Variants in ZNF23 observed in about 807,000 individuals in gnomAD.
ZNF23 encodes zinc finger protein 23.
Under a neutral mutation model 56.2 loss-of-function variants are expected in ZNF23, and 48 were observed. The ratio of observed to expected loss-of-function variants is 0.85; its 90% CI spans 0.68 to 1.09. The LOEUF (loss-of-function observed/expected upper bound fraction) is 1.09. Ranked by LOEUF, ZNF23 falls within the 50% of genes least tolerant of loss-of-function variation. ZNF23 has a pLI of 0.00. For missense variants in ZNF23, 805 were observed against 811.4 expected, an observed-to-expected ratio of 0.99 and a Z score of 0.10; for synonymous variants, 266 against 283.3, an observed-to-expected ratio of 0.94 and a Z score of 0.61.
At chr16:71,453,059 T>C (rs2043108120) in intron 4 of ZNF23, among the ~76,000 whole-genome samples, 184 bp downstream of exon 4, 1 of 152,216 alleles carries the variant, frequency 6.6e-6, no homozygotes, top group Non-Finnish European at 1.5e-5. Context: ...TTCTTGGAAT[T>C]AGACACAACA....
chr16:71,453,896 G>T, intron 3 of ZNF23, 146 bp downstream of exon 3: 2 of 1,006,530 alleles, frequency 2.0e-6, no homozygotes, highest in Non-Finnish European at 3.0e-6. Context: ...GCCCCTGCCA[G>T]TAACCTCTAA....
At position 71,454,090 on chromosome 16, in the gene ZNF23, G is replaced by T; in HGVS notation, c.112C>A (p.Leu38Met). 6.2e-7 allele frequency: 1 copy of T among 1,614,106 alleles called. No homozygotes were observed. The highest frequency in any genetic ancestry group is 8.5e-7 in the Non-Finnish European group (1 of 1,180,004). The stretch of plus-strand genomic sequence containing the variant: ...TTCTCCAGCATCACATCCCTGTACA[G>T]GGTCCTCTGTGCAGGGGACAGGCCA... Reference protein sequence around the residue: ...WDGLSPAQRTLYRDVMLENYG... With the variant: ...WDGLSPAQRTMYRDVMLENYG... Residue 38 changes from leucine to methionine, a missense_variant, in exon 3 of 5, where the codon CTG (leucine) becomes ATG (methionine). Physicochemically the swap from Leu to Met is conservative, Grantham distance 15. Coordinates refer to ENST00000647773, the MANE Select transcript of ZNF23 (RefSeq NM_001381984.1).
At position 71,459,230 on chromosome 16, in the gene ZNF23, G is replaced by A. The variant is rs1416704434; in HGVS notation, c.-32-2402C>T. 2.0e-5 allele frequency among the ~76,000 whole-genome samples: 3 copies of A among 152,240 alleles called. No individual in the cohort carries two copies. The East Asian group carries it at 5.8e-4, about 29-fold the overall frequency. ...CACCTGCTGGGCCCTGAAGTGCAGA[G>A]GCATTAACACCTGTGGGACCCCCTT... On this transcript the variant is annotated intron_variant, in intron 1 of 4. Transcript: ENST00000647773.
intron 1 of ZNF23, among the ~76,000 whole-genome samples, chr16:71,461,348 T>A (rs898039359): frequency 2.6e-5 from 4 of 151,996 alleles, no homozygotes; most frequent in Non-Finnish European, 4.4e-5. Context: ...GGACCCAAAA[T>A]GTAATACAAA....
chr16:71,461,285 T>C (rs2043445417), intron 1 of ZNF23, among the ~76,000 whole-genome samples: 1 of 151,828 alleles, frequency 6.6e-6, no homozygotes, highest in African/African-American at 2.4e-5. Flanking sequence ...ATGTAACATA[T>C]AAATATATAT....
rs1039198973 is a variant in ZNF23 at position 71,456,764 on chromosome 16, C to G, written c.33G>C (p.Gln11His). ...AGAGCTGAAGGACCCCACAGCTCAC[C>G]TGGGGCCAGGCTGTCAGGTGCATGG... MAAMHLTAWP[Q>H]KSVTFEDVAV... Residue 11 changes from glutamine (Q) to histidine (H), a missense_variant and splice_region_variant, in exon 2 of 5, where the codon CAG becomes CAC. Gln to His is a conservative substitution (Grantham distance 24). Coordinates refer to ENST00000647773, the MANE Select transcript of ZNF23 (RefSeq NM_001381984.1). 24 of 985,936 alleles carry G rather than the reference C, an allele frequency of 2.4e-5. No individual in the cohort carries two copies. The highest frequency in any genetic ancestry group is 2.7e-5 in the Non-Finnish European group (22 of 830,088). 61.1% of individuals were successfully genotyped at this position (985,936 alleles called of 1,614,324 possible). A position where few individuals can be genotyped will look rare whatever the true frequency, so the allele number is the denominator to read the frequency against.
intron 1 of ZNF23, chr16:71,461,764 C>G (rs2043467143): frequency 6.6e-6 from 1 of 152,224 alleles, no homozygotes; most frequent in Non-Finnish European, 1.5e-5. Context: ...GGCCCTAATT[C>G]ATGACCCTAT....
chr16:71,450,531 C>A (rs2043019941), intron 4 of ZNF23: 1 of 303,022 alleles, frequency 3.3e-6, no homozygotes, highest in Non-Finnish European at 6.6e-6. Context: ...CCAGCCTGGG[C>A]AACACAGTGA....
chr16:71,450,819 T>A (rs1382032163), intron 4 of ZNF23: 3 of 301,940 alleles, frequency 9.9e-6, no homozygotes, highest in Non-Finnish European at 2.0e-5. Context: ...CCCTGCAGTT[T>A]CTTCTTAGTT....
chr16:71,456,193 C>A (rs987373107), intron 2 of ZNF23: 4 of 390,650 alleles, frequency 1.0e-5, no homozygotes, highest in Non-Finnish European at 2.0e-5. Flanking sequence ...CTCTTTCCTG[C>A]AGGACAGGGT....
rs774985250 is a variant in ZNF23, at chr16:71,448,820, C to A, written c.1334G>T (p.Ser445Ile). 2.0e-5 allele frequency: 33 copies of A among 1,614,090 alleles called. No individual in the cohort carries two copies. In the East Asian group the frequency reaches 7.4e-4, roughly 36 times the overall value. ...GTGTTGGATTAACTTCCCTTTGACA[C>A]TGAAGGCTTTTCCACATTCAGTGCA... The part of the protein sequence containing the change: ...YECTECGKAF[S>I]VKGKLIQHQR... The change falls in exon 5 of 5, where the codon AGT becomes ATT. Residue 445 changes from serine (S) to isoleucine (I), a missense_variant. Coordinates refer to ENST00000647773, the MANE Select transcript of ZNF23 (RefSeq NM_001381984.1).
Position 71,462,220 on chromosome 16 carries a change from G to A in ZNF23, c.-43C>T, listed in dbSNP as rs974976022. ...GAGCCCTGCACTCACCTCCGTAGCG[G>A]ACTGCTCCCCGGCGCTGCCGGAAGT... On this transcript the variant is annotated 5_prime_UTR_variant, in exon 1 of 5. Coordinates refer to ENST00000647773, the MANE Select transcript of ZNF23 (RefSeq NM_001381984.1). 2.6e-5 allele frequency: 4 copies of A among 152,378 alleles called. No individual in the cohort carries two copies. Among genetic ancestry groups the A allele is most frequent in the African/African-American group, 9.6e-5 (4 of 41,482 alleles). 9.4% of individuals were successfully genotyped at this position (152,378 alleles called of 1,614,324 possible). A position where few individuals can be genotyped will look rare whatever the true frequency, so the allele number is the denominator to read the frequency against.
At position 71,456,797 on chromosome 16, in the gene ZNF23, C is replaced by T. The variant is rs1388790855; in HGVS notation, c.-1G>A. On this transcript the variant is annotated 5_prime_UTR_variant, in exon 2 of 5. Coordinates refer to ENST00000647773, the MANE Select transcript of ZNF23 (RefSeq NM_001381984.1). Reference sequence around the variant, plus strand: ...AGGCTGTCAGGTGCATGGCTGCCATCCCCTGGTCCCCGTCTCAGAGAAGGG... The same window carrying T: ...AGGCTGTCAGGTGCATGGCTGCCATTCCCTGGTCCCCGTCTCAGAGAAGGG... 3 of 985,920 alleles carry T rather than the reference C, an allele frequency of 3.0e-6. No individual in the cohort carries two copies. Among genetic ancestry groups the T allele is most frequent in the African/African-American group, 1.7e-5 (1 of 57,230 alleles). 61.1% of individuals were successfully genotyped at this position (985,920 alleles called of 1,614,324 possible).
rs555026711 is a variant in ZNF23 at position 71,448,551 on chromosome 16, G to C, written c.1603C>G (p.Leu535Val). The change falls in exon 5 of 5, where the codon CTT (leucine) becomes GTT (valine). Residue 535 changes from leucine (L) to valine (V), a missense_variant. Physicochemically the swap from Leu to Val is conservative, Grantham distance 32 (BLOSUM62 1). Coordinates refer to ENST00000647773, the MANE Select transcript of ZNF23 (RefSeq NM_001381984.1). The part of the protein sequence containing the change: ...GRCFTSKRNL[L>V]DHHRIHTGEK... ...CCAGTATGGATTCGGTGATGATCAAGTAGGTTTCTTTTAGAAGTAAAGCAT... is the reference window on the plus strand; with the variant it reads ...CCAGTATGGATTCGGTGATGATCAACTAGGTTTCTTTTAGAAGTAAAGCAT... 4.3e-6 allele frequency: 7 copies of C among 1,613,058 alleles called. No homozygotes were observed. Among genetic ancestry groups the C allele is most frequent in the Non-Finnish European group, 5.9e-6 (7 of 1,179,760 alleles).
In ZNF23 at chr16:71,447,851, G is replaced by A; in HGVS notation, c.*242C>T. 1 of 335,750 alleles carries A rather than the reference G, an allele frequency of 3.0e-6. No homozygotes were observed. The highest frequency in any genetic ancestry group is 5.3e-6 in the Non-Finnish European group (1 of 187,068). 20.8% of individuals were successfully genotyped at this position (335,750 alleles called of 1,614,324 possible). A position where few individuals can be genotyped will look rare whatever the true frequency, so the allele number is the denominator to read the frequency against. On this transcript the variant is annotated 3_prime_UTR_variant, in exon 5 of 5. Coordinates refer to ENST00000647773, the MANE Select transcript of ZNF23 (RefSeq NM_001381984.1). ...TAGAAAATCTACTTTTCTTGATGCT[G>A]CTGGGAACGAAATCTTTTCATTATA...
rs1200445795 is a variant in ZNF23, at chr16:71,462,223, T to G, written c.-46A>C. On this transcript the variant is annotated 5_prime_UTR_variant, in exon 1 of 5. Coordinates refer to ENST00000647773, the MANE Select transcript of ZNF23 (RefSeq NM_001381984.1). ...CCCTGCACTCACCTCCGTAGCGGAC[T>G]GCTCCCCGGCGCTGCCGGAAGTGCG... The G allele has an allele frequency of 1.3e-5, 2 of 152,350 alleles. No homozygotes were observed. Among genetic ancestry groups the G allele is most frequent in the Non-Finnish European group, 1.5e-5 (1 of 68,148 alleles). The allele number at this position is 152,350 out of a possible 1,614,324, so 9.4% of individuals were successfully genotyped here.
At position 71,449,537 on chromosome 16, in the gene ZNF23, GAATT is replaced by G. The variant is rs747839741; in HGVS notation, c.613_616del (p.Asn205LeufsTer11). On this transcript the variant is annotated frameshift_variant, in exon 5 of 5. Transcript: ENST00000647773. LOFTEE classifies it high-confidence loss of function. Reference sequence around the variant, plus strand: ...TTCACATTTGAAAGGTCTTTCCTCAGAATTAATTATTTCATGCTTCACGAGTTTT... The same window carrying G: ...TTCACATTTGAAAGGTCTTTCCTCAGAATTATTTCATGCTTCACGAGTTTT... 14 of 1,613,968 alleles carry G rather than the reference GAATT, an allele frequency of 8.7e-6. No individual in the cohort carries two copies. The highest frequency in any genetic ancestry group is 3.3e-5 in the Admixed American group (2 of 60,008).
chr16:71,459,281 GATAA>G (rs1014340621), intron 1 of ZNF23, among the ~76,000 whole-genome samples: 13 of 152,202 alleles, frequency 8.5e-5, no homozygotes, highest in African/African-American at 3.1e-4. Context: ...GAAACCAATG[GATAA>G]ATGTTTTCCC....
intron 4 of ZNF23, chr16:71,450,348 AATGAT>A (rs2043011822): frequency 7.1e-6 from 1 of 140,350 alleles, no homozygotes; most frequent in Non-Finnish European, 1.5e-5. Flanking sequence ...CAATGAAAGT[AATGAT>A]AAAAAAAAAA....
Sources: gnomAD v4.1 joint callset for allele counts (sites outside exome capture counted in the v4.1 genomes callset) on GRCh38, gnomAD v4.1.1 for gene constraint, MANE v1.5 for transcripts, NCBI Gene and HGNC (gene_info 2026-07-23, HGNC 2026-07-21) for gene names.